Variants in ZRANB3 observed in about 807,000 individuals in gnomAD.
ZRANB3 encodes the protein DNA annealing helicase and endonuclease ZRANB3.
Under a neutral mutation model 133.8 loss-of-function variants are expected in ZRANB3, and 125 were observed. That is an observed-to-expected ratio of 0.93 (90% CI 0.81 to 1.08). ZRANB3 has a LOEUF of 1.08. Among genes scored for constraint, ZRANB3 ranks in the 50% least tolerant of loss-of-function variants. The probability of loss-of-function intolerance (pLI) is 0.00; values close to 1 mark genes in which losing one functional copy is unlikely to be tolerated. For synonymous variants in ZRANB3, 387 were observed against 432.7 expected, an observed-to-expected ratio of 0.89 and a Z score of 1.31; for missense variants, 1,229 against 1,275.5, an observed-to-expected ratio of 0.96 and a Z score of 0.56.
rs189076193 is a variant in ZRANB3 at position 135,430,141 on chromosome 2, G to A, written c.162-39321C>T. 4.0e-4 allele frequency among the ~76,000 whole-genome samples: 60 copies of A among 151,780 alleles called. No homozygotes were observed. The East Asian group carries it at 7.8e-3, about 20-fold the overall frequency. On this transcript the variant is annotated intron_variant, in intron 2 of 20. Coordinates refer to ENST00000264159, the MANE Select transcript of ZRANB3 (RefSeq NM_032143.4). ...CACTGAGCCACGATCACACCACTGC[G>A]TTCCAGCATGCGTGACAGAGCAAGA... is the stretch of plus-strand genomic sequence containing the variant.
chr2:135,481,214 A>G (rs1388060284), intron 2 of ZRANB3, among the ~76,000 whole-genome samples: 2 of 151,130 alleles, frequency 1.3e-5, no homozygotes, highest in Non-Finnish European at 2.9e-5. Context: ...TGGATGAACT[A>G]GTTTACAGTC....
At chr2:135,238,474 A>C (rs1198606082) in intron 12 of ZRANB3, among the ~76,000 whole-genome samples, 1 of 150,986 alleles carries the variant, frequency 6.6e-6, no homozygotes, top group African/African-American at 2.4e-5. Context: ...GCTCACTGCA[A>C]CCTCCGCCTC....
intron 19 of ZRANB3, 120 bp downstream of exon 19, chr2:135,207,314 C>A (rs1693910373): frequency 1.6e-6 from 2 of 1,230,020 alleles, no homozygotes; most frequent in Non-Finnish European, 2.2e-6. Context: ...CATATGGGTC[C>A]ATTATTTTCT....
intron 12 of ZRANB3, among the ~76,000 whole-genome samples, chr2:135,259,370 T>C (rs181819378): frequency 6.6e-6 from 1 of 152,132 alleles, no homozygotes; most frequent in Admixed American, 6.6e-5. Context: ...CTCTCCTAAC[T>C]ACATACAATC....
chr2:135,383,222 A>G (rs948262408), intron 3 of ZRANB3, among the ~76,000 whole-genome samples: 9 of 152,196 alleles, frequency 5.9e-5, no homozygotes, highest in Admixed American at 5.2e-4. Flanking sequence ...CAGACTTTAA[A>G]CCAACAAAGA....
rs755816407 is a variant in ZRANB3, at chr2:135,217,517, G to T, written c.2443C>A (p.Leu815Ile). 6.2e-7 allele frequency: 1 copy of T among 1,613,592 alleles called. No individual in the cohort carries two copies. The highest frequency in any genetic ancestry group is 1.1e-5 in the South Asian group (1 of 90,978). ...KSGQLFCSPI[L>I]ALEEITKQQT... The stretch of plus-strand genomic sequence containing the variant: ...TGCTTTGTGATCTCTTCCAAAGCAA[G>T]AATTGGGCTACAGAATAGCTGTCCA... Residue 815 changes from leucine (L) to isoleucine (I), a missense_variant, in exon 17 of 21, where the codon CTT becomes ATT. Coordinates refer to ENST00000264159, the MANE Select transcript of ZRANB3 (RefSeq NM_032143.4).
chr2:135,387,397 T>C (rs1251989670), intron 3 of ZRANB3, among the ~76,000 whole-genome samples: 1 of 152,254 alleles, frequency 6.6e-6, no homozygotes, highest in Non-Finnish European at 1.5e-5. Context: ...AATTTACATA[T>C]ATAGAAGTTC....
chr2:135,495,317 A>G (rs569931283), intron 2 of ZRANB3, among the ~76,000 whole-genome samples: 42 of 152,318 alleles, frequency 2.8e-4, no homozygotes, highest in African/African-American at 9.1e-4. Context: ...GAATGTCTTT[A>G]TTTTTAAAAA....
At chr2:135,207,955 G>A (rs1693948391) in intron 18 of ZRANB3, 119 bp from the exon 19 acceptor site, 1 of 1,015,024 alleles carries the variant, frequency 9.9e-7, no homozygotes, top group African/African-American at 1.6e-5. Flanking sequence ...AGATCACAGT[G>A]TAGAAATAAA....
intron 2 of ZRANB3, among the ~76,000 whole-genome samples, chr2:135,443,921 G>T (rs1689905936): frequency 6.6e-6 from 1 of 152,012 alleles, no homozygotes; most frequent in Non-Finnish European, 1.5e-5. Context: ...AATATATAAA[G>T]AATTCTTTAA....
chr2:135,382,277 A>C (rs1422108570), intron 3 of ZRANB3, among the ~76,000 whole-genome samples: 1 of 152,192 alleles, frequency 6.6e-6, no homozygotes, highest in Non-Finnish European at 1.5e-5. Context: ...ATGAAGCGAG[A>C]AGAGAAGTTT....
chr2:135,467,044 T>C lies in ZRANB3; in HGVS notation c.161+37285A>G, dbSNP rs7606540. 2.1e-3 allele frequency among the ~76,000 whole-genome samples: 318 copies of C among 152,276 alleles called. 4 individuals are homozygous for C. Among genetic ancestry groups the C allele is most frequent in the African/African-American group, 7.4e-3 (309 of 41,552 alleles). On this transcript the variant is annotated intron_variant, in intron 2 of 20. Coordinates refer to ENST00000264159, the MANE Select transcript of ZRANB3 (RefSeq NM_032143.4). ...CTTTAAGTGTGATGCTATTCTATTA[T>C]TTTACATGGTAGGTTTTCATTACCT...
intron 12 of ZRANB3, among the ~76,000 whole-genome samples, chr2:135,248,602 T>A (rs947251142): frequency 6.6e-6 from 1 of 152,006 alleles, no homozygotes; most frequent in African/African-American, 2.4e-5. Flanking sequence ...AAACAAAAAA[T>A]TCCATTAAAA....
intron 6 of ZRANB3, among the ~76,000 whole-genome samples, chr2:135,325,432 G>A (rs1470016093): frequency 6.6e-6 from 1 of 151,750 alleles, no homozygotes; most frequent in Non-Finnish European, 1.5e-5. Flanking sequence ...TTTTGAGATG[G>A]AGTCTCCAGG....
intron 8 of ZRANB3, among the ~76,000 whole-genome samples, chr2:135,308,985 T>TC (rs1682841139): frequency 6.6e-6 from 1 of 150,878 alleles, no homozygotes; most frequent in South Asian, 2.1e-4. Context: ...AACATCATTT[T>TC]TTTTTTTTTT....
intron 2 of ZRANB3, among the ~76,000 whole-genome samples, chr2:135,419,441 A>C (rs1294592471): frequency 6.6e-6 from 1 of 152,030 alleles, no homozygotes; most frequent in Non-Finnish European, 1.5e-5. Flanking sequence ...GATAACCTAA[A>C]TAACAGGAAG....
intron 2 of ZRANB3, among the ~76,000 whole-genome samples, chr2:135,450,891 C>T (rs1690239395): frequency 6.6e-6 from 1 of 152,180 alleles, no homozygotes; most frequent in African/African-American, 2.4e-5. Context: ...TCCATATCTA[C>T]TACATCCAAA....
At chr2:135,242,169 C>T (rs929856682) in intron 12 of ZRANB3, among the ~76,000 whole-genome samples, 5 of 151,114 alleles carry the variant, frequency 3.3e-5, no homozygotes, top group Admixed American at 2.6e-4. Flanking sequence ...CAGAGTGAGA[C>T]TCTGTCTCCA....
At chr2:135,428,991 C>T (rs952788510) in intron 2 of ZRANB3, among the ~76,000 whole-genome samples, 1 of 152,114 alleles carries the variant, frequency 6.6e-6, no homozygotes, top group Non-Finnish European at 1.5e-5. Context: ...TCTCAAAGTA[C>T]TTAAAACAGA....
Sources: allele counts gnomAD v4.1 joint callset (sites outside exome capture counted in the v4.1 genomes callset), GRCh38; gene constraint gnomAD v4.1.1; transcripts MANE v1.5; gene names NCBI Gene and HGNC (gene_info 2026-07-23, HGNC 2026-07-21).